Variants in WDR19 observed in about 807,000 individuals in gnomAD.
The protein encoded by WDR19 is WD repeat domain 19.
WDR19 carries 121 observed loss-of-function variants against 180.0 expected under a neutral mutation model. The observed-to-expected ratio is 0.67, with a 90% confidence interval of 0.58 to 0.78. WDR19 has a LOEUF of 0.78. Ranked by LOEUF, WDR19 falls within the 30% of genes least tolerant of loss-of-function variation. WDR19 has a pLI of 0.00. For missense variants in WDR19, 1,450 were observed against 1,640.7 expected (o/e 0.88, Z 2.01); for synonymous variants, 497 against 540.7 (o/e 0.92, Z 1.12).
Position 39,277,000 on chromosome 4 carries a change from G to A in WDR19, c.3717-20G>A. Reference sequence around the variant, plus strand: ...CATGAATAAAACGGCATTTTTAAATGACATGATTCTTCCTCACAGGAGACC... The same window carrying A: ...CATGAATAAAACGGCATTTTTAAATAACATGATTCTTCCTCACAGGAGACC... On this transcript the variant is annotated intron_variant, in intron 33 of 36. Transcript: ENST00000399820. 1 of 1,610,152 alleles carries A rather than the reference G, an allele frequency of 6.2e-7. No individual in the cohort carries two copies. Among genetic ancestry groups the A allele is most frequent in the Non-Finnish European group, 8.5e-7 (1 of 1,178,918 alleles).
At chr4:39,212,563 A>G (rs1382506946) in intron 9 of WDR19, among the ~76,000 whole-genome samples, 1 of 152,206 alleles carries the variant, frequency 6.6e-6, no homozygotes, top group African/African-American at 2.4e-5. Flanking sequence ...AGGCCAAGGG[A>G]GGCACATCAC....
At chr4:39,263,072 AC>A (rs1466403282) in intron 28 of WDR19, among the ~76,000 whole-genome samples, 1 of 69,024 alleles carries the variant, frequency 1.4e-5, no homozygotes, top group African/African-American at 5.5e-5. Context: ...ACCCACGCCC[AC>A]CCACCCCCAA....
At chr4:39,257,654 C>A in intron 28 of WDR19, 100 bp downstream of exon 28, 1 of 1,032,318 alleles carries the variant, frequency 9.7e-7, no homozygotes, top group Non-Finnish European at 1.5e-6. Flanking sequence ...AACAGTATTA[C>A]AAACCCCTAC....
Position 39,231,895 on chromosome 4 carries a change from C to T in WDR19, c.2081C>T (p.Ala694Val). The T allele has an allele frequency of 1.9e-6, 3 of 1,613,546 alleles. No individual in the cohort carries two copies. Among genetic ancestry groups the T allele is most frequent in the Non-Finnish European group, 2.5e-6 (3 of 1,179,566 alleles). Reference sequence around the variant, plus strand: ...CTACATCACATGGAAGTGGAGTTTGCAATCCGTGTTTATCGGAGAATTGGA... The same window carrying T: ...CTACATCACATGGAAGTGGAGTTTGTAATCCGTGTTTATCGGAGAATTGGA... The part of the protein sequence containing the change: ...ACLHHMEVEF[A>V]IRVYRRIGNV... Residue 694 changes from alanine to valine, a missense_variant, in exon 18 of 37, where the codon GCA (alanine) becomes GTA (valine). Transcript: ENST00000399820.
At chr4:39,190,982 C>G (rs1378962887) in intron 4 of WDR19, among the ~76,000 whole-genome samples, 1 of 152,226 alleles carries the variant, frequency 6.6e-6, no homozygotes, top group Non-Finnish European at 1.5e-5. Context: ...GTGTTTCTAA[C>G]TGGTCTATCT....
intron 5 of WDR19, among the ~76,000 whole-genome samples, chr4:39,195,297 G>T (rs116474586): frequency 0.011 from 1,632 of 151,708 alleles, 31 homozygotes; most frequent in African/African-American, 0.037. Flanking sequence ...AACTCGGAGG[G>T]TGGATGTTGC....
chr4:39,226,455 A>T (rs546672496), intron 15 of WDR19, among the ~76,000 whole-genome samples: 3 of 152,352 alleles, frequency 2.0e-5, no homozygotes, highest in East Asian at 3.9e-4. Flanking sequence ...TTAGCCACAT[A>T]ATAAGCACTA....
At position 39,278,531 on chromosome 4, in the gene WDR19, C is replaced by T. The variant is rs1231868216; in HGVS notation, c.3918-8C>T. On this transcript the variant is annotated splice_region_variant and splice_polypyrimidine_tract_variant and intron_variant, in intron 35 of 36. Coordinates refer to ENST00000399820, the MANE Select transcript of WDR19 (RefSeq NM_025132.4). ...TTAATTTACTCTGCCTTTCCCTCCC[C>T]TAAACAGCATGCTAAACACTGAAAG... 2.5e-6 allele frequency: 4 copies of T among 1,606,616 alleles called. No homozygotes were observed. Among genetic ancestry groups the T allele is most frequent in the Non-Finnish European group, 3.4e-6 (4 of 1,175,274 alleles).
intron 24 of WDR19, among the ~76,000 whole-genome samples, chr4:39,250,802 G>T (rs147424172): frequency 0.08 from 12,120 of 152,172 alleles, 1,609 homozygotes; most frequent in African/African-American, 0.28. Context: ...ACTTACAAGG[G>T]ATGTGAAGGA....
chr4:39,240,200 A>G, intron 20 of WDR19, 77 bp from the exon 21 acceptor site: 5 of 595,032 alleles, frequency 8.4e-6, no homozygotes, highest in South Asian at 8.4e-5. Context: ...AAAAAAAAAA[A>G]AAGGAAAAAG....
chr4:39,264,078 C>T (rs956363923), intron 28 of WDR19, among the ~76,000 whole-genome samples: 15 of 152,268 alleles, frequency 9.9e-5, no homozygotes, highest in African/African-American at 3.1e-4. Context: ...ATTTGACAGT[C>T]CTGTCTACTT....
intron 36 of WDR19, among the ~76,000 whole-genome samples, chr4:39,282,491 G>A (rs1012639382): frequency 3.9e-5 from 6 of 152,012 alleles, no homozygotes; most frequent in Non-Finnish European, 7.4e-5. Context: ...TCTGCCTCCC[G>A]GGTTCAAGTG....
chr4:39,231,696 C>A, intron 17 of WDR19, 101 bp from the exon 18 acceptor site: 1 of 1,040,372 alleles, frequency 9.6e-7, no homozygotes, highest in Non-Finnish European at 1.3e-6. Context: ...ATGTTTTAGA[C>A]AGTTTATCTG....
chr4:39,281,215 G>GTGTGTGTGTGTGTGTGTGTATATATA (rs1167602972), intron 36 of WDR19, among the ~76,000 whole-genome samples: 3 of 110,138 alleles, frequency 2.7e-5, no homozygotes, highest in Admixed American at 1.6e-4. Flanking sequence ...ATGTGTGTGT[G>GTGTGTGTGTGTGTGTGTGTATATATA]TATATATATA....
intron 19 of WDR19, among the ~76,000 whole-genome samples, chr4:39,233,623 A>G (rs1285631039): frequency 3.9e-5 from 6 of 152,178 alleles, no homozygotes; most frequent in Non-Finnish European, 7.4e-5. Flanking sequence ...TAATTTTACA[A>G]CTTTCCTTTT....
chr4:39,284,661 A>AAT (rs1477138353), intron 36 of WDR19, among the ~76,000 whole-genome samples: 1 of 151,660 alleles, frequency 6.6e-6, no homozygotes, highest in East Asian at 1.9e-4. Context: ...AAAAAAAAAA[A>AAT]AAAAAATTCA....
At chr4:39,274,545 G>A (rs1200754854) in intron 32 of WDR19, 2 of 414,586 alleles carry the variant, frequency 4.8e-6, no homozygotes, top group Non-Finnish European at 8.7e-6. Flanking sequence ...GAAACTCATG[G>A]AAGTGTTGCC....
In WDR19 at chr4:39,232,222, C is replaced by G. The variant is rs1301391681; in HGVS notation, c.2203C>G (p.Leu735Val). The G allele has an allele frequency of 6.2e-7, 1 of 1,613,684 alleles. No homozygotes were observed. Among genetic ancestry groups the G allele is most frequent in the African/African-American group, 1.3e-5 (1 of 74,872 alleles). Residue 735 changes from leucine (L) to valine (V), a missense_variant, in exon 19 of 37, where the codon CTG (leucine) becomes GTG (valine). Physicochemically the swap from Leu to Val is conservative, Grantham distance 32. Transcript: ENST00000399820. ...HLAMFTNDYN[L>V]AQDLYLASSC... ...TGCCATGTTTACCAACGATTATAAC[C>G]TGGCTCAGGACTTGTACCTTGCATC...
chr4:39,185,233 C>T (rs1188495257), intron 1 of WDR19, among the ~76,000 whole-genome samples: 1 of 152,150 alleles, frequency 6.6e-6, no homozygotes, highest in Non-Finnish European at 1.5e-5. Context: ...CCAAGTTAAA[C>T]ACTTAATGAT....
Sources: gnomAD v4.1 joint callset for allele counts (sites outside exome capture counted in the v4.1 genomes callset) on GRCh38, gnomAD v4.1.1 for gene constraint, MANE v1.5 for transcripts, NCBI Gene and HGNC (gene_info 2026-07-23, HGNC 2026-07-21) for gene names.